Variants in RNF14 observed in about 807,000 individuals in gnomAD.
RNF14 encodes ring finger protein 14.
A neutral mutation model predicts 52.6 loss-of-function variants in RNF14; 26 were observed. That is an observed-to-expected ratio of 0.49 (90% CI 0.36 to 0.69). RNF14 has a LOEUF of 0.69. RNF14 is among the 30% of genes least tolerant of loss of function. The probability of loss-of-function intolerance (pLI) is 0.00; values close to 1 mark genes in which losing one functional copy is unlikely to be tolerated. For synonymous variants in RNF14, 194 were observed against 202.0 expected, an observed-to-expected ratio of 0.96 and a Z score of 0.34; for missense variants, 404 against 560.4, an observed-to-expected ratio of 0.72 and a Z score of 2.82.
upstream of RNF14, among the ~76,000 whole-genome samples, chr5:141,954,818 A>G (rs1561535599): frequency 6.6e-6 from 1 of 152,254 alleles, no homozygotes; most frequent in Non-Finnish European, 1.5e-5. Context: ...CCGATCACAA[A>G]GCTGTGCCCT....
At chr5:141,984,600 A>G (rs934928404) in intron 7 of RNF14, among the ~76,000 whole-genome samples, 3 of 152,226 alleles carry the variant, frequency 2.0e-5, no homozygotes, top group Non-Finnish European at 4.4e-5. Flanking sequence ...AACTAATTGT[A>G]GTAACACTAG....
rs147059342 is a variant in RNF14, at chr5:141,980,347, T to C, written c.1059T>C (p.Thr353=). 3.1e-6 allele frequency: 5 copies of C among 1,612,788 alleles called. No homozygotes were observed. The South Asian group carries it at 4.4e-5, about 14-fold the overall frequency. Reference sequence around the variant, plus strand: ...ATGGGGTCTCCCCATGTAAGGTGACTGCAGGTATGTTTTAACTGTGAACCC... The same window carrying C: ...ATGGGGTCTCCCCATGTAAGGTGACCGCAGGTATGTTTTAACTGTGAACCC... The part of the protein sequence containing the change: ...TYHGVSPCKV[T]AEKLMDLRNE... Residue 353 remains threonine (T), a synonymous_variant, in exon 6 of 9, where the codon ACT becomes ACC. Transcript: ENST00000394520.
intron 8 of RNF14, among the ~76,000 whole-genome samples, chr5:141,985,710 G>A (rs370968633): frequency 8.6e-5 from 13 of 152,028 alleles, no homozygotes; most frequent in Non-Finnish European, 1.6e-4. Flanking sequence ...CTGCCACCAC[G>A]CCCGGCTAAT....
upstream of RNF14, chr5:141,956,244 G>A (rs781009066): frequency 6.8e-6 from 11 of 1,614,056 alleles, no homozygotes; most frequent in East Asian, 4.5e-5. Flanking sequence ...TGTCCTCTGC[G>A]ATCACCTGGA....
At chr5:141,982,370 A>G (rs1177526990) in intron 6 of RNF14, among the ~76,000 whole-genome samples, 1 of 152,196 alleles carries the variant, frequency 6.6e-6, no homozygotes, top group African/African-American at 2.4e-5. Context: ...GTGGGAATGT[A>G]CTACACAGAG....
rs772289933 is a variant in RNF14 at position 141,988,652 on chromosome 5, CAT to C, written c.*863_*864del. ...GATTTTAATATTAATTCCAGGAACA[CAT>C]GTTTTTATTTCCTCTGCTGGAATAG... On this transcript the variant is annotated 3_prime_UTR_variant, in exon 9 of 9. Coordinates refer to ENST00000394520, the MANE Select transcript of RNF14 (RefSeq NM_004290.5). 1.1e-4 allele frequency: 17 copies of C among 152,390 alleles called. No homozygotes were observed. In the South Asian group the frequency reaches 1.2e-3, roughly 11 times the overall value. The allele number at this position is 152,390 out of a possible 1,614,324, so 9.4% of individuals were successfully genotyped here. A position where few individuals can be genotyped will look rare whatever the true frequency, so the allele number is the denominator to read the frequency against.
rs542660824 is a variant in RNF14 at position 141,990,045 on chromosome 5, A to T, written c.*2255A>T. On this transcript the variant is annotated 3_prime_UTR_variant, in exon 9 of 9. Transcript: ENST00000394520. ...TTTAGTCTCAAAAATTTGTTTGGTCACCTTAGTGATTCTTAGGTACAAAGT... is the reference window on the plus strand; with the variant it reads ...TTTAGTCTCAAAAATTTGTTTGGTCTCCTTAGTGATTCTTAGGTACAAAGT... 1 of 152,326 alleles carries T rather than the reference A, an allele frequency of 6.6e-6. No individual in the cohort carries two copies. Among genetic ancestry groups the T allele is most frequent in the Non-Finnish European group, 1.5e-5 (1 of 68,018 alleles). The allele number at this position is 152,326 out of a possible 1,614,324, so 9.4% of individuals were successfully genotyped here. A position where few individuals can be genotyped will look rare whatever the true frequency, so the allele number is the denominator to read the frequency against.
chr5:141,956,972 T>C, upstream of RNF14: 5 of 1,614,150 alleles, frequency 3.1e-6, no homozygotes, highest in South Asian at 3.3e-5. Flanking sequence ...ATACTGAAGG[T>C]GTCCAGCACC....
At chr5:141,967,193 G>T (rs1753372410), upstream of RNF14, among the ~76,000 whole-genome samples, 1 of 151,932 alleles carries the variant, frequency 6.6e-6, no homozygotes, top group African/African-American at 2.4e-5. Flanking sequence ...CTCTCTCCTG[G>T]GTATAAGACC....
chr5:141,955,167 G>T, upstream of RNF14: 1 of 1,614,220 alleles, frequency 6.2e-7, no homozygotes, highest in Non-Finnish European at 8.5e-7. This position sits in a 1 kb window ranked among gnomAD's most constrained non-coding sequence, Gnocchi z 5.5. Context: ...CTTCCTCACT[G>T]CCCTGGTCTC....
upstream of RNF14, among the ~76,000 whole-genome samples, chr5:141,954,426 T>C (rs981569757): frequency 1.3e-5 from 2 of 152,246 alleles, no homozygotes; most frequent in Non-Finnish European, 2.9e-5. Flanking sequence ...TGCTGAGTAC[T>C]GACTACATGT....
At chr5:141,956,403 C>G, upstream of RNF14, 2 of 1,614,226 alleles carry the variant, frequency 1.2e-6, no homozygotes, top group Non-Finnish European at 1.7e-6. Flanking sequence ...CATCATGAGC[C>G]TTGATGGTAA....
upstream of RNF14, among the ~76,000 whole-genome samples, chr5:141,964,115 A>G (rs1753298042): frequency 6.6e-6 from 1 of 152,266 alleles, no homozygotes. Flanking sequence ...AAAAGCACAG[A>G]AAACATTTTA....
At chr5:141,956,723 T>C (rs143326793), upstream of RNF14, 7 of 1,614,114 alleles carry the variant, frequency 4.3e-6, no homozygotes, top group Non-Finnish European at 5.9e-6. Flanking sequence ...TCATCTGCCA[T>C]GACAAGAGCA....
At chr5:141,950,889 C>T in the RNF14 span, among the ~76,000 whole-genome samples, 1 of 152,296 alleles carries the variant, frequency 6.6e-6, no homozygotes, top group East Asian at 1.9e-4. Flanking sequence ...GAAATCCTCA[C>T]CCCATTACCA....
intron 1 of RNF14, among the ~76,000 whole-genome samples, chr5:141,960,484 A>C (rs1753261734): frequency 6.6e-6 from 1 of 152,202 alleles, no homozygotes; most frequent in Non-Finnish European, 1.5e-5. Flanking sequence ...CTGTGCTGCA[A>C]GAGGGTCAGT....
Position 141,983,435 on chromosome 5 carries a change from AC to A in RNF14, c.1120del (p.Leu374PhefsTer10). The A allele has an allele frequency of 6.2e-7, 1 of 1,613,864 alleles. No individual in the cohort carries two copies. Among genetic ancestry groups the A allele is most frequent in the South Asian group, 1.1e-5 (1 of 91,066 alleles). On this transcript the variant is annotated frameshift_variant, in exon 7 of 9. Transcript: ENST00000394520. LOFTEE classifies it high-confidence loss of function. ...TGCAAGCGGATGAGGCTAATAAAAG[AC>A]TTTTGGATCAAAGGTATGGTAAGAG... ...YLQADEANKR[L>X]LDQRYGKRVI...
At position 141,978,840 on chromosome 5, in the gene RNF14, T is replaced by C. The variant is rs757786493; in HGVS notation, c.834+10T>C. On this transcript the variant is annotated intron_variant, in intron 5 of 8. Transcript: ENST00000394520. Reference sequence around the variant, plus strand: ...GGCCACTCCTGGTCAGGTAACTGTTTACCCTGCTGATGGTTGCCTCCTAAT... The same window carrying C: ...GGCCACTCCTGGTCAGGTAACTGTTCACCCTGCTGATGGTTGCCTCCTAAT... 17 of 1,609,366 alleles carry C rather than the reference T, an allele frequency of 1.1e-5. No individual in the cohort carries two copies. The East Asian group carries it at 3.8e-4, about 36-fold the overall frequency.
intron 3 of RNF14, among the ~76,000 whole-genome samples, chr5:141,974,395 C>G (rs911392185): frequency 6.6e-6 from 1 of 152,168 alleles, no homozygotes; most frequent in Non-Finnish European, 1.5e-5. Flanking sequence ...TTGGGACATG[C>G]TGGTCTAAGT....
Sources: allele counts gnomAD v4.1 joint callset (sites outside exome capture counted in the v4.1 genomes callset), GRCh38; gene constraint gnomAD v4.1.1; non-coding constraint Gnocchi (gnomAD v3.1); transcripts MANE v1.5; gene names NCBI Gene and HGNC (gene_info 2026-07-23, HGNC 2026-07-21).